FBP2: variants seen among roughly 807,000 people sequenced by gnomAD.
FBP2 encodes fructose-bisphosphatase 2.
Under a neutral mutation model 31.6 loss-of-function variants are expected in FBP2, and 27 were observed. That is an observed-to-expected ratio of 0.85 (90% CI 0.63 to 1.18). FBP2 has a LOEUF of 1.18. FBP2 is among the 50% of genes most tolerant of loss of function. The pLI is 0.00. For missense variants in FBP2, 421 were observed against 436.1 expected (o/e 0.97, Z 0.31); for synonymous variants, 168 against 179.8 (o/e 0.93, Z 0.53).
intron 4 of FBP2, chr9:94,569,916 G>A (rs1827248416): frequency 6.6e-6 from 1 of 152,204 alleles, no homozygotes; most frequent in African/African-American, 2.4e-5. Flanking sequence ...CGCCTTCCAT[G>A]GCATTTCTAT....
intron 5 of FBP2, among the ~76,000 whole-genome samples, chr9:94,566,632 C>CT (rs1197199895): frequency 1.3e-5 from 2 of 152,210 alleles, no homozygotes; most frequent in East Asian, 3.8e-4. Flanking sequence ...GTGTGTGTGT[C>CT]TTTAATTCCT....
intron 4 of FBP2, 113 bp downstream of exon 4, chr9:94,571,349 G>C (rs1827266346): frequency 8.6e-7 from 1 of 1,161,004 alleles, no homozygotes; most frequent in Admixed American, 3.0e-5. Flanking sequence ...CAGGACCCCT[G>C]GTCCCCAAAA....
At chr9:94,582,001 C>T (rs764895541) in intron 3 of FBP2, among the ~76,000 whole-genome samples, 1 of 152,206 alleles carries the variant, frequency 6.6e-6, no homozygotes, top group African/African-American at 2.4e-5. Flanking sequence ...TTCTTTTTCT[C>T]TAGCAGCCAA....
rs763293145 is a variant in FBP2 at position 94,593,673 on chromosome 9, A to C, written c.54T>G (p.Val18=). The change falls in exon 1 of 7, where the codon GTT becomes GTG. Residue 18 remains valine, a synonymous_variant. Transcript: ENST00000375337. ...CTTTGGCCTGACGCCCCTTTTCCATAACGTAGCGGGTCAGGGTGAGCATGT... is the reference window on the plus strand; with the variant it reads ...CTTTGGCCTGACGCCCCTTTTCCATCACGTAGCGGGTCAGGGTGAGCATGT... ...ETDMLTLTRY[V]MEKGRQAKGT... 2.7e-5 allele frequency: 43 copies of C among 1,614,004 alleles called. No homozygotes were observed. Among genetic ancestry groups the C allele is most frequent in the Non-Finnish European group, 3.6e-5 (43 of 1,180,018 alleles).
chr9:94,581,948 T>A (rs1226856092), intron 3 of FBP2, among the ~76,000 whole-genome samples: 1 of 152,142 alleles, frequency 6.6e-6, no homozygotes, highest in African/African-American at 2.4e-5. Flanking sequence ...AGTCACTCAC[T>A]CCTATTTTGA....
chr9:94,568,612 T>A (rs1006885068), intron 4 of FBP2: 3 of 152,106 alleles, frequency 2.0e-5, no homozygotes, highest in Admixed American at 2.0e-4. Flanking sequence ...TCAGAGGTAT[T>A]CCCGGAATAT....
At chr9:94,563,279 G>A (rs1239515035) in intron 6 of FBP2, 63 bp downstream of exon 6, 2 of 1,575,572 alleles carry the variant, frequency 1.3e-6, no homozygotes, top group Non-Finnish European at 8.6e-7. Context: ...CAGCAGGTGT[G>A]ACGGGAGGGA....
chr9:94,569,552 A>T (rs498635), intron 4 of FBP2: 73,965 of 152,134 alleles, frequency 0.49, 18,600 homozygotes, highest in African/African-American at 0.6. Context: ...GGGCCGGGAC[A>T]CTCAGGCCCT....
At chr9:94,574,508 T>A (rs562502876) in intron 3 of FBP2, among the ~76,000 whole-genome samples, 1 of 152,190 alleles carries the variant, frequency 6.6e-6, no homozygotes, top group Non-Finnish European at 1.5e-5. Context: ...ATTCAACTTC[T>A]TGTTTATTTT....
chr9:94,571,514 G>T lies in FBP2; in HGVS notation c.515C>A (p.Thr172Asn), dbSNP rs1827268645. 3.1e-6 allele frequency: 5 copies of T among 1,614,018 alleles called. No individual in the cohort carries two copies. The highest frequency in any genetic ancestry group is 3.4e-6 in the Non-Finnish European group (4 of 1,179,952). Residue 172 changes from threonine to asparagine, a missense_variant, in exon 4 of 7, where the codon ACC becomes AAC. Physicochemically the swap from Thr to Asn is moderately conservative, Grantham distance 65. Coordinates refer to ENST00000375337, the MANE Select transcript of FBP2 (RefSeq NM_003837.4). Reference sequence around the variant, plus strand: ...TTGCCCTGTGGAGAGAGCCACCAGGGTTGCACTACCGTACAGCGCATAACC... The same window carrying T: ...TTGCCCTGTGGAGAGAGCCACCAGGTTTGCACTACCGTACAGCGCATAACC... ...AAGYALYGSA[T>N]LVALSTGQGV... is the part of the protein sequence containing the mutation.
intron 5 of FBP2, among the ~76,000 whole-genome samples, chr9:94,565,429 T>C (rs967789006): frequency 1.3e-5 from 2 of 151,154 alleles, no homozygotes; most frequent in Non-Finnish European, 2.9e-5. Context: ...ATCTTACACA[T>C]GAATTTTGTT....
chr9:94,586,200 C>T (rs1426597107), intron 2 of FBP2, among the ~76,000 whole-genome samples: 1 of 152,082 alleles, frequency 6.6e-6, no homozygotes, highest in Non-Finnish European at 1.5e-5. Flanking sequence ...CATGGCGAAA[C>T]CCCGTCTCTA....
rs546054858 is a variant in FBP2, at chr9:94,591,182, T to C, written c.170+2375A>G. Among the ~76,000 whole-genome samples, 1,212 of 152,304 alleles carry C rather than the reference T, an allele frequency of 8.0e-3. 20 individuals are homozygous for C. The highest frequency in any genetic ancestry group is 0.028 in the African/African-American group (1,156 of 41,564). On this transcript the variant is annotated intron_variant, in intron 1 of 6. Coordinates refer to ENST00000375337, the MANE Select transcript of FBP2 (RefSeq NM_003837.4). Reference sequence around the variant, plus strand: ...TTGGGTGGTCGATGGGACTGAGCGCTGTGGAGCGGGGGGTGGCGCTCGTCG... The same window carrying C: ...TTGGGTGGTCGATGGGACTGAGCGCCGTGGAGCGGGGGGTGGCGCTCGTCG...
intron 3 of FBP2, among the ~76,000 whole-genome samples, chr9:94,575,965 C>T (rs945268865): frequency 1.3e-5 from 2 of 152,176 alleles, no homozygotes; most frequent in Non-Finnish European, 2.9e-5. Context: ...TAAAATAGCT[C>T]CCTTTCTCAC....
In FBP2 at chr9:94,584,675, T is replaced by C. The variant is rs200549097; in HGVS notation, c.334-6A>G. On this transcript the variant is annotated splice_region_variant and splice_polypyrimidine_tract_variant and intron_variant, in intron 2 of 6. Transcript: ENST00000375337. ...AAGCAGACCACGTATTTCCCCTAAATCAGAGAGGAAAGCACCAACTGATCA... is the reference window on the plus strand; with the variant it reads ...AAGCAGACCACGTATTTCCCCTAAACCAGAGAGGAAAGCACCAACTGATCA... 3.6e-5 allele frequency: 57 copies of C among 1,589,350 alleles called. No homozygotes were observed. Among genetic ancestry groups the C allele is most frequent in the Non-Finnish European group, 4.8e-5 (55 of 1,157,484 alleles).
chr9:94,562,099 C>T (rs1030688848), intron 6 of FBP2, among the ~76,000 whole-genome samples: 1 of 151,996 alleles, frequency 6.6e-6, no homozygotes, highest in Non-Finnish European at 1.5e-5. Flanking sequence ...ATCACGAGGT[C>T]AGGAGATCGA....
intron 6 of FBP2, 111 bp downstream of exon 6, chr9:94,563,231 C>T: frequency 8.0e-7 from 1 of 1,244,022 alleles, no homozygotes; most frequent in Non-Finnish European, 1.1e-6. Context: ...CCTGCCCATC[C>T]CCACACAGAC....
intron 1 of FBP2, among the ~76,000 whole-genome samples, chr9:94,593,080 A>G (rs1827519009): frequency 6.6e-6 from 1 of 152,230 alleles, no homozygotes; most frequent in Non-Finnish European, 1.5e-5. Context: ...TTAGATGATG[A>G]GAGAGCAGAT....
intron 2 of FBP2, among the ~76,000 whole-genome samples, chr9:94,585,502 G>A (rs1044726554): frequency 2.7e-5 from 4 of 149,506 alleles, no homozygotes; most frequent in Non-Finnish European, 5.9e-5. Context: ...GTGCCCTAAC[G>A]AAAACCCACA....
Sources: gnomAD v4.1 joint callset for allele counts (sites outside exome capture counted in the v4.1 genomes callset) on GRCh38, gnomAD v4.1.1 for gene constraint, MANE v1.5 for transcripts, NCBI Gene and HGNC (gene_info 2026-07-23, HGNC 2026-07-21) for gene names.